EBF1: variants seen among roughly 807,000 people sequenced by gnomAD.
EBF1 encodes the protein transcription factor COE1.
EBF1 carries 10 observed loss-of-function variants against 68.4 expected under a neutral mutation model. The ratio of observed to expected loss-of-function variants is 0.15; its 90% CI spans 0.09 to 0.25. EBF1 has a LOEUF of 0.25. Ranked by LOEUF, EBF1 falls within the 10% of genes least tolerant of loss-of-function variation. The pLI is 1.00. For synonymous variants in EBF1, 298 were observed against 299.8 expected (o/e 0.99, Z 0.06); for missense variants, 509 against 794.4 (o/e 0.64, Z 4.32).
At chr5:158,809,577 C>T (rs1782224773) in intron 8 of EBF1, among the ~76,000 whole-genome samples, 2 of 152,158 alleles carry the variant, frequency 1.3e-5, no homozygotes, top group African/African-American at 4.8e-5. Context: ...AAGACTCAGA[C>T]CCACATATGA....
At chr5:158,794,183 C>T (rs1272691891) in intron 9 of EBF1, among the ~76,000 whole-genome samples, 1 of 152,324 alleles carries the variant, frequency 6.6e-6, no homozygotes. Flanking sequence ...CCTCCACCCT[C>T]AGCTCCTGGC....
intron 6 of EBF1, chr5:158,983,019 G>A (rs1223074387): frequency 1.3e-5 from 2 of 152,158 alleles, no homozygotes; most frequent in African/African-American, 4.8e-5. Flanking sequence ...CTTTACCTAA[G>A]AGGCCCTGGA....
rs140786701 is a variant in EBF1, at chr5:158,881,408, C to T, written c.555-41298G>A. 1.3e-3 allele frequency among the ~76,000 whole-genome samples: 205 copies of T among 152,260 alleles called. 1 individual carries two copies. The highest frequency in any genetic ancestry group is 4.3e-3 in the African/African-American group (180 of 41,562). ...TGGATACAGTTCTCTTTTTTAGCAA[C>T]GCAGTGTAAATTTTACCCTGGACTT... On this transcript the variant is annotated intron_variant, in intron 6 of 15. Transcript: ENST00000313708.
chr5:159,096,980 C>T lies in EBF1; in HGVS notation c.285G>A (p.Lys95=), dbSNP rs750602104. The T allele has an allele frequency of 9.9e-6, 16 of 1,613,868 alleles. No homozygotes were observed. The South Asian group carries it at 1.8e-4, about 18-fold the overall frequency. ...CAGCGCTGCGCCCACTTACTTTTTC[C>T]TTCTCCACGAACCCCACAAACGCTG... ...ERTAFVGFVE[K]EKEANSEKTN... is the part of the protein sequence containing the mutation. The change falls in exon 2 of 16, where the codon AAG becomes AAA. Residue 95 remains lysine (K), a synonymous_variant. Coordinates refer to ENST00000313708, the MANE Select transcript of EBF1 (RefSeq NM_024007.5).
intron 10 of EBF1, among the ~76,000 whole-genome samples, chr5:158,743,975 A>G (rs985521826): frequency 2.6e-5 from 4 of 152,146 alleles, no homozygotes; most frequent in African/African-American, 9.7e-5. Flanking sequence ...GTTCAAGACC[A>G]GCCTGGCTAA....
At chr5:158,839,787 A>C (rs1341066004) in intron 7 of EBF1, among the ~76,000 whole-genome samples, 1 of 152,158 alleles carries the variant, frequency 6.6e-6, no homozygotes, top group Non-Finnish European at 1.5e-5. Flanking sequence ...AAGTGAGTCC[A>C]CTCAGGCAGC....
chr5:158,959,817 T>C (rs1817817394), intron 6 of EBF1, among the ~76,000 whole-genome samples: 1 of 152,020 alleles, frequency 6.6e-6, no homozygotes, highest in Non-Finnish European at 1.5e-5. Flanking sequence ...TAAGCAATAA[T>C]AGTCATGAAA....
intron 6 of EBF1, among the ~76,000 whole-genome samples, chr5:158,849,247 G>A (rs951222692): frequency 6.6e-6 from 1 of 152,160 alleles, no homozygotes; most frequent in Non-Finnish European, 1.5e-5. Flanking sequence ...ATCTTTCAAA[G>A]TCCCTAATAA....
chr5:159,097,113 C>T lies in EBF1; in HGVS notation c.152G>A (p.Arg51Gln). Residue 51 changes from arginine (R) to glutamine (Q), a missense_variant, in exon 2 of 16, where the codon CGG becomes CAG. Physicochemically the swap from Arg to Gln is conservative, Grantham distance 43. Transcript: ENST00000313708. ...TAAQSGVGLA[R>Q]AHFEKQPPSN... ...AGGCGGCTGCTTCTCAAAGTGAGCC[C>T]GGGCCAGACCCACCCCGCTGCGGCC... is the stretch of plus-strand genomic sequence containing the variant. 1.1e-5 allele frequency: 18 copies of T among 1,613,838 alleles called. No homozygotes were observed. Among genetic ancestry groups the T allele is most frequent in the Non-Finnish European group, 1.5e-5 (18 of 1,179,916 alleles).
intron 6 of EBF1, among the ~76,000 whole-genome samples, chr5:159,056,332 A>G (rs899937411): frequency 2.6e-5 from 4 of 152,224 alleles, no homozygotes; most frequent in African/African-American, 9.6e-5. Context: ...GCCAGACCAG[A>G]TAGTCAAATA....
chr5:158,930,925 A>T (rs904193191), intron 6 of EBF1, among the ~76,000 whole-genome samples: 2 of 152,212 alleles, frequency 1.3e-5, no homozygotes, highest in Non-Finnish European at 2.9e-5. Context: ...GCACAAACTA[A>T]AAAGCTCTAC....
chr5:159,095,733 T>C (rs1584586633), intron 3 of EBF1, 58 bp from the exon 4 acceptor site: 2 of 1,568,988 alleles, frequency 1.3e-6, no homozygotes, highest in African/African-American at 2.7e-5. Flanking sequence ...GGAGGGTGGG[T>C]GGACAATAAT....
intron 6 of EBF1, among the ~76,000 whole-genome samples, chr5:158,852,237 G>A (rs575777177): frequency 6.6e-6 from 1 of 151,866 alleles, no homozygotes; most frequent in South Asian, 2.1e-4. Context: ...GTGGGGGGTG[G>A]GGGACACAGA....
At chr5:158,782,978 G>A (rs962860859) in intron 9 of EBF1, among the ~76,000 whole-genome samples, 6 of 151,882 alleles carry the variant, frequency 4.0e-5, no homozygotes, top group Admixed American at 2.0e-4. Context: ...AAAAAGAAAA[G>A]GATGTCTAAA....
rs1312478589 is a variant in EBF1 at position 158,696,595 on chromosome 5, C to G, written c.*2516G>C. ...AAATTCAGATAACCTTTCTGAGTACCGAGAAGCAATGCGTCCACCTTGCTT... is the reference window on the plus strand; with the variant it reads ...AAATTCAGATAACCTTTCTGAGTACGGAGAAGCAATGCGTCCACCTTGCTT... On this transcript the variant is annotated 3_prime_UTR_variant, in exon 16 of 16. Coordinates refer to ENST00000313708, the MANE Select transcript of EBF1 (RefSeq NM_024007.5). The G allele has an allele frequency of 1.8e-5, 4 of 220,688 alleles. No individual in the cohort carries two copies. In the East Asian group the frequency reaches 2.6e-4, roughly 14 times the overall value. 13.7% of individuals were successfully genotyped at this position (220,688 alleles called of 1,614,324 possible). A position where few individuals can be genotyped will look rare whatever the true frequency, so the allele number is the denominator to read the frequency against.
At chr5:159,006,409 A>G (rs576120056) in intron 6 of EBF1, among the ~76,000 whole-genome samples, 8 of 152,136 alleles carry the variant, frequency 5.3e-5, no homozygotes, top group South Asian at 4.2e-4. Flanking sequence ...TAATTTTACA[A>G]TAGGTTAACT....
At chr5:158,737,434 C>T (rs1310016916) in intron 10 of EBF1, among the ~76,000 whole-genome samples, 2 of 151,756 alleles carry the variant, frequency 1.3e-5, no homozygotes, top group East Asian at 3.9e-4. Context: ...CAGGCGCCCA[C>T]CACCACGCCC....
At chr5:158,840,149 T>G in intron 6 of EBF1, 39 bp from the exon 7 acceptor site, 1 of 1,539,664 alleles carries the variant, frequency 6.5e-7, no homozygotes, top group Non-Finnish European at 9.0e-7. Context: ...CATTTCGGTT[T>G]CTGACACGGG....
Position 158,699,038 on chromosome 5 carries a change from G to A in EBF1, c.*73C>T. On this transcript the variant is annotated 3_prime_UTR_variant, in exon 16 of 16. Transcript: ENST00000313708. ...AGGCCTGAGTTAAAAGTTCCACTCT[G>A]GGACTTGTATCAGATTACTCTCTGT... 7.1e-7 allele frequency: 1 copy of A among 1,415,676 alleles called. No individual in the cohort carries two copies. The highest frequency in any genetic ancestry group is 9.6e-7 in the Non-Finnish European group (1 of 1,046,660). The allele number at this position is 1,415,676 out of a possible 1,614,324, so 87.7% of individuals were successfully genotyped here. A position where few individuals can be genotyped will look rare whatever the true frequency, so the allele number is the denominator to read the frequency against.
Sources: allele counts gnomAD v4.1 joint callset (sites outside exome capture counted in the v4.1 genomes callset), GRCh38; gene constraint gnomAD v4.1.1; transcripts MANE v1.5; gene names NCBI Gene and HGNC (gene_info 2026-07-23, HGNC 2026-07-21).